Variants in OTOP3 observed in about 807,000 individuals in gnomAD.
OTOP3 encodes the protein proton channel OTOP3.
OTOP3 carries 41 observed loss-of-function variants against 50.8 expected under a neutral mutation model. The ratio of observed to expected loss-of-function variants is 0.81; its 90% CI spans 0.63 to 1.05. The LOEUF (loss-of-function observed/expected upper bound fraction) is 1.05. Ranked by LOEUF, OTOP3 falls within the 50% of genes least tolerant of loss-of-function variation. OTOP3 has a pLI of 0.00. For synonymous variants in OTOP3, 320 were observed against 324.4 expected (o/e 0.99, Z 0.14); for missense variants, 788 against 760.8 (o/e 1.04, Z -0.42).
intron 5 of OTOP3, among the ~76,000 whole-genome samples, chr17:74,944,848 ATATT>A (rs1475106266): frequency 2.0e-5 from 3 of 152,200 alleles, no homozygotes; most frequent in Non-Finnish European, 2.9e-5. Context: ...ATATTTGGCC[ATATT>A]TATTTATTTT....
chr17:74,947,074 G>C lies in OTOP3; in HGVS notation c.1165G>C (p.Val389Leu), dbSNP rs1430976271. The C allele has an allele frequency of 6.2e-7, 1 of 1,614,116 alleles. No homozygotes were observed. Among genetic ancestry groups the C allele is most frequent in the Admixed American group, 1.7e-5 (1 of 60,026 alleles). ...GCTGGAGGAGAGAGAGCTGGACACG[G>C]TCAAGAACCCTACCCGCAGCCTGGA... ...HGLEERELDT[V>L]KNPTRSLDVV... Residue 389 changes from valine to leucine, a missense_variant, in exon 6 of 7, where the codon GTC (valine) becomes CTC (leucine). Val to Leu is a conservative substitution (Grantham distance 32). Coordinates refer to ENST00000328801, the MANE Select transcript of OTOP3 (RefSeq NM_001272005.2).
chr17:74,940,043 G>A (rs554706077), intron 1 of OTOP3, among the ~76,000 whole-genome samples: 1 of 144,710 alleles, frequency 6.9e-6, no homozygotes, highest in African/African-American at 2.6e-5. Context: ...TGAGTAGTTG[G>A]GACTATAGGC....
In OTOP3 at chr17:74,946,854, C is replaced by T. The variant is rs879233524; in HGVS notation, c.945C>T (p.His315=). 6.2e-7 allele frequency: 1 copy of T among 1,610,894 alleles called. No homozygotes were observed. The highest frequency in any genetic ancestry group is 1.1e-5 in the South Asian group (1 of 91,088). The change falls in exon 6 of 7, where the codon CAC becomes CAT. Residue 315 remains histidine (H), a synonymous_variant. Transcript: ENST00000328801. ...MGAHPATAPF[H]LHGAIFGPLL... ...CCCACCCTGCCACCGCACCCTTCCA[C>T]CTGCACGGGGCCATCTTCGGGCCGC...
At chr17:74,938,297 G>C (rs2039138097) in intron 1 of OTOP3, among the ~76,000 whole-genome samples, 1 of 152,104 alleles carries the variant, frequency 6.6e-6, no homozygotes, top group Non-Finnish European at 1.5e-5. Context: ...GAGTCTTCTG[G>C]TGTTGCATAG....
intron 1 of OTOP3, among the ~76,000 whole-genome samples, chr17:74,936,960 C>CTTTTTTTT (rs1173007266): frequency 2.5e-5 from 1 of 39,446 alleles, no homozygotes; most frequent in African/African-American, 8.8e-5. Flanking sequence ...ACCCCCCCAC[C>CTTTTTTTT]CTTTTTTTTT....
Position 74,938,224 on chromosome 17 carries a change from G to C in OTOP3, c.19+2284G>C, listed in dbSNP as rs372548589. On this transcript the variant is annotated intron_variant, in intron 1 of 6. Transcript: ENST00000328801. ...TAAATATGGAGCAGGTGGAGAATGG[G>C]AGAATATGACAAGGGGAGAATGGGA... 3.9e-5 allele frequency among the ~76,000 whole-genome samples: 6 copies of C among 152,292 alleles called. No individual in the cohort carries two copies. In the East Asian group the frequency reaches 1.2e-3, roughly 29 times the overall value.
chr17:74,941,966 A>C lies in OTOP3; in HGVS notation c.502A>C (p.Ser168Arg). Residue 168 changes from serine to arginine, a missense_variant, in exon 3 of 7, where the codon AGC becomes CGC. By Grantham distance (110) the Ser-to-Arg change is moderately radical. Transcript: ENST00000328801. ...LNIFRVGYDV[S>R]HIRCKSQLDL... ...CATCTTCCGAGTGGGCTACGATGTG[A>C]GCCACATCCGCTGCAAGTCACAGCT... 1 of 1,613,632 alleles carries C rather than the reference A, an allele frequency of 6.2e-7. No individual in the cohort carries two copies. Among genetic ancestry groups the C allele is most frequent in the Non-Finnish European group, 8.5e-7 (1 of 1,179,764 alleles).
At position 74,943,287 on chromosome 17, in the gene OTOP3, C is replaced by T. The variant is rs944664269; in HGVS notation, c.575C>T (p.Thr192Ile). 5.0e-6 allele frequency: 8 copies of T among 1,614,118 alleles called. No individual in the cohort carries two copies. The Admixed American group carries it at 1.0e-4, about 20-fold the overall frequency. Residue 192 changes from threonine to isoleucine, a missense_variant and splice_region_variant, in exon 4 of 7, where the codon ACC (threonine) becomes ATC (isoleucine). Physicochemically the swap from Thr to Ile is moderately conservative, Grantham distance 89. Coordinates refer to ENST00000328801, the MANE Select transcript of OTOP3 (RefSeq NM_001272005.2). ...GGCTCAAGGCCCTGTCTCTTTCAGA[C>T]CTGGGTGCTCTGGAAACACTGCAAA... is the stretch of plus-strand genomic sequence containing the variant. ...VIEMVFIGVQ[T>I]WVLWKHCKDC...
At position 74,943,611 on chromosome 17, in the gene OTOP3, G is replaced by A. The variant is rs1397728060; in HGVS notation, c.638G>A (p.Gly213Asp). 6.2e-7 allele frequency: 1 copy of A among 1,613,794 alleles called. No individual in the cohort carries two copies. The highest frequency in any genetic ancestry group is 8.5e-7 in the Non-Finnish European group (1 of 1,179,954). ...VRVQTNFTRCGLMLTLATNLL... is the reference protein window; with the variant it reads ...VRVQTNFTRCDLMLTLATNLL... Reference sequence around the variant, plus strand: ...GAGTGTGGCATTTCCCCCAGGTGTGGCCTGATGCTGACCCTGGCCACAAAC... The same window carrying A: ...GAGTGTGGCATTTCCCCCAGGTGTGACCTGATGCTGACCCTGGCCACAAAC... The change falls in exon 5 of 7, where the codon GGC becomes GAC. Residue 213 changes from glycine to aspartate, a missense_variant. By Grantham distance (94) the Gly-to-Asp change is moderately conservative (BLOSUM62 -1). Coordinates refer to ENST00000328801, the MANE Select transcript of OTOP3 (RefSeq NM_001272005.2).
chr17:74,944,214 CTACA>C (rs2039204659), intron 5 of OTOP3, among the ~76,000 whole-genome samples: 1 of 152,142 alleles, frequency 6.6e-6, no homozygotes, highest in Middle Eastern at 3.2e-3. Context: ...ATCCCATACC[CTACA>C]TGGGAACACT....
chr17:74,937,090 G>C (rs1230432531), intron 1 of OTOP3, among the ~76,000 whole-genome samples: 2 of 150,370 alleles, frequency 1.3e-5, no homozygotes, highest in Non-Finnish European at 3.0e-5. Context: ...AGCCTCCCGA[G>C]TAGCTGGGAC....
At chr17:74,947,793 C>G (rs975479526) in intron 6 of OTOP3, among the ~76,000 whole-genome samples, 1 of 152,246 alleles carries the variant, frequency 6.6e-6, no homozygotes, top group African/African-American at 2.4e-5. Flanking sequence ...TTCTAAGACA[C>G]TCCTAGAGGA....
At chr17:74,943,540 ATGGTGAGGG>A in intron 4 of OTOP3, 57 bp from the exon 5 acceptor site, 1 of 1,501,074 alleles carries the variant, frequency 6.7e-7, no homozygotes, top group Non-Finnish European at 9.3e-7. Flanking sequence ...ACAACAGTGG[ATGGTGAGGG>A]TTTGGCACCT....
Position 74,947,085 on chromosome 17 carries a change from T to A in OTOP3, c.1176T>A (p.Pro392=), listed in dbSNP as rs766375301. 2 of 1,614,030 alleles carry A rather than the reference T, an allele frequency of 1.2e-6. No homozygotes were observed. The highest frequency in any genetic ancestry group is 1.3e-5 in the African/African-American group (1 of 74,952). Residue 392 remains proline (P), a synonymous_variant, in exon 6 of 7, where the codon CCT becomes CCA. Transcript: ENST00000328801. ...GAGAGCTGGACACGGTCAAGAACCC[T>A]ACCCGCAGCCTGGATGTGGTGCTGC... ...EERELDTVKN[P]TRSLDVVLLM... is the part of the protein sequence containing the mutation.
chr17:74,941,882 C>T lies in OTOP3; in HGVS notation c.437-19C>T, dbSNP rs73363064. 3.2e-3 allele frequency: 5,074 copies of T among 1,594,604 alleles called. 126 individuals carry two copies. The African/African-American group carries it at 0.055, about 17-fold the overall frequency. On this transcript the variant is annotated intron_variant, in intron 2 of 6. Coordinates refer to ENST00000328801, the MANE Select transcript of OTOP3 (RefSeq NM_001272005.2). ...CCGGTTCCGCGCAGGTGCCAACGCC[C>T]GCCCACATGTCCGGCCAGGTTCCCT... is the stretch of plus-strand genomic sequence containing the variant.
At chr17:74,942,579 C>T (rs1009799535) in intron 3 of OTOP3, among the ~76,000 whole-genome samples, 1 of 151,110 alleles carries the variant, frequency 6.6e-6, no homozygotes, top group Non-Finnish European at 1.5e-5. Context: ...TGCAGTGAGC[C>T]AAGATCATGC....
At chr17:74,938,705 T>C (rs538277105) in intron 1 of OTOP3, among the ~76,000 whole-genome samples, 5 of 152,260 alleles carry the variant, frequency 3.3e-5, no homozygotes, top group South Asian at 2.1e-4. Context: ...ATACTAATCA[T>C]ACACCTCTCA....
chr17:74,939,677 G>C (rs745397999), intron 1 of OTOP3, among the ~76,000 whole-genome samples: 6 of 152,130 alleles, frequency 3.9e-5, no homozygotes, highest in Non-Finnish European at 7.3e-5. Flanking sequence ...GAGACATTCA[G>C]GAAAAGAGGA....
chr17:74,949,359 G>C lies in OTOP3; in HGVS notation c.1680G>C (p.Gly560=). ...FAIVNFGLPL[G]VFYRMHSVGG... ...TCGTCAACTTCGGCCTGCCTCTGGGGGTCTTCTACCGCATGCACTCTGTGG... is the reference window on the plus strand; with the variant it reads ...TCGTCAACTTCGGCCTGCCTCTGGGCGTCTTCTACCGCATGCACTCTGTGG... The change falls in exon 7 of 7, where the codon GGG becomes GGC. Residue 560 remains glycine, a synonymous_variant. Coordinates refer to ENST00000328801, the MANE Select transcript of OTOP3 (RefSeq NM_001272005.2). The C allele has an allele frequency of 6.2e-7, 1 of 1,614,042 alleles. No homozygotes were observed. Among genetic ancestry groups the C allele is most frequent in the Non-Finnish European group, 8.5e-7 (1 of 1,180,012 alleles).
Sources: gnomAD v4.1 joint callset for allele counts (sites outside exome capture counted in the v4.1 genomes callset) on GRCh38, gnomAD v4.1.1 for gene constraint, MANE v1.5 for transcripts, NCBI Gene and HGNC (gene_info 2026-07-23, HGNC 2026-07-21) for gene names.